Variants in LNX1 observed in about 807,000 individuals in gnomAD.
LNX1 encodes ligand of numb-protein X 1, also known as E3 ubiquitin-protein ligase LNX.
LNX1 carries 54 observed loss-of-function variants against 68.4 expected under a neutral mutation model. That is an observed-to-expected ratio of 0.79 (90% CI 0.63 to 0.99). LNX1 has a LOEUF of 0.99. Ranked by LOEUF, LNX1 falls within the 50% of genes least tolerant of loss-of-function variation. The pLI, the probability that LNX1 is intolerant of heterozygous loss-of-function variation, is 0.00. For synonymous variants in LNX1, 336 were observed against 350.0 expected, an observed-to-expected ratio of 0.96 and a Z score of 0.45; for missense variants, 906 against 926.4, an observed-to-expected ratio of 0.98 and a Z score of 0.29.
chr4:53,591,576 C>T, upstream of LNX1: 3 of 985,400 alleles, frequency 3.0e-6, no homozygotes, highest in Non-Finnish European at 3.6e-6. Context: ...ATCACGGAAG[C>T]CCCGACAGAT....
At chr4:53,507,265 C>A (rs1297498669) in intron 4 of LNX1, 52 bp downstream of exon 4, 1 of 1,579,778 alleles carries the variant, frequency 6.3e-7, no homozygotes, top group Non-Finnish European at 8.6e-7. Context: ...TCCCTGAAGT[C>A]CCCCTGGAAG....
In LNX1 at chr4:53,631,162, AG is replaced by A. The variant is rs138997594; in HGVS notation, c.-215+21005del. On this transcript the variant is annotated intron_variant, in intron 1 of 2. Transcript: ENST00000507168. ...GATGCAGCTACTTGGAGACAGTTTT[AG>A]TACCCAGGGGGAGACAGTTTGTCTT... is the stretch of plus-strand genomic sequence containing the variant. Among the ~76,000 whole-genome samples the A allele has an allele frequency of 4.0e-3, 613 of 152,312 alleles. 8 individuals are homozygous for A. The highest frequency in any genetic ancestry group is 0.014 in the African/African-American group (576 of 41,558).
chr4:53,627,862 C>G (rs1476239119), intron 1 of LNX1, among the ~76,000 whole-genome samples: 2 of 152,122 alleles, frequency 1.3e-5, no homozygotes, highest in South Asian at 2.1e-4. Context: ...TCTGCATGCC[C>G]CTTTGGGAGA....
upstream of LNX1, chr4:53,592,946 C>A (rs1160764724): frequency 1.3e-5 from 2 of 152,158 alleles, no homozygotes; most frequent in South Asian, 2.1e-4. Context: ...TGTCCCCGAT[C>A]CGCCCCAGAC....
intron 2 of LNX1, chr4:53,603,602 G>A (rs1733107994): frequency 6.6e-6 from 1 of 152,476 alleles, no homozygotes; most frequent in African/African-American, 2.4e-5. Flanking sequence ...TTCCAATCAT[G>A]GCAGAAGGCA....
intron 2 of LNX1, among the ~76,000 whole-genome samples, chr4:53,526,624 T>C (rs1205978294): frequency 2.0e-5 from 3 of 151,642 alleles, no homozygotes; most frequent in Non-Finnish European, 2.9e-5. Flanking sequence ...TTCCATGTAA[T>C]CTAGTATCTG....
At chr4:53,579,085 AAAGT>A (rs1731672076) in intron 1 of LNX1, among the ~76,000 whole-genome samples, 1 of 152,210 alleles carries the variant, frequency 6.6e-6, no homozygotes, top group African/African-American at 2.4e-5. Context: ...TCTCCCACCA[AAAGT>A]AAGAGAGAGG....
intron 6 of LNX1, among the ~76,000 whole-genome samples, chr4:53,490,978 G>T (rs544131911): frequency 4.6e-5 from 7 of 152,126 alleles, no homozygotes; most frequent in Non-Finnish European, 8.8e-5. Flanking sequence ...GTAAGCAAAA[G>T]AATCTTTTAG....
intron 9 of LNX1, among the ~76,000 whole-genome samples, chr4:53,463,766 C>G (rs887603311): frequency 1.3e-5 from 2 of 151,940 alleles, no homozygotes; most frequent in Admixed American, 6.6e-5. Context: ...TTGATTTCCA[C>G]TGAAATGAGT....
chr4:53,497,999 A>C (rs540640906), intron 5 of LNX1, among the ~76,000 whole-genome samples: 2 of 152,186 alleles, frequency 1.3e-5, no homozygotes, highest in Non-Finnish European at 2.9e-5. Context: ...CCTGGTAAAC[A>C]GATCTTTTTA....
rs113633365 is a variant in LNX1, at chr4:53,576,977, C to T, written c.-86-2889G>A. Reference sequence around the variant, plus strand: ...GACACTCTAGTGAAGAGGTTGCTGGCAAATGCCCTTAATATAAAAACATTT... The same window carrying T: ...GACACTCTAGTGAAGAGGTTGCTGGTAAATGCCCTTAATATAAAAACATTT... On this transcript the variant is annotated intron_variant, in intron 1 of 10. Transcript: ENST00000263925. Among the ~76,000 whole-genome samples the T allele has an allele frequency of 9.0e-3, 1,373 of 152,324 alleles. 18 individuals are homozygous for T. The highest frequency in any genetic ancestry group is 0.026 in the African/African-American group (1,089 of 41,562).
intron 2 of LNX1, among the ~76,000 whole-genome samples, chr4:53,615,562 C>G (rs1733653342): frequency 6.6e-6 from 1 of 152,178 alleles, no homozygotes; most frequent in Non-Finnish European, 1.5e-5. Flanking sequence ...TCTGTACATT[C>G]TAGCTAAAGG....
chr4:53,606,978 A>G (rs1320754409), intron 2 of LNX1, among the ~76,000 whole-genome samples: 2 of 152,230 alleles, frequency 1.3e-5, no homozygotes, highest in African/African-American at 2.4e-5. Flanking sequence ...ATAGCCACCT[A>G]TTACAAACCC....
chr4:53,517,165 G>T (rs1447328669), intron 2 of LNX1, among the ~76,000 whole-genome samples: 2 of 152,126 alleles, frequency 1.3e-5, no homozygotes, highest in African/African-American at 2.4e-5. Context: ...GATTCTAAAA[G>T]CAGCTAATTG....
At position 53,496,288 on chromosome 4, in the gene LNX1, C is replaced by T. The variant is rs371053734; in HGVS notation, c.1085G>A (p.Arg362His). The T allele has an allele frequency of 2.4e-5, 38 of 1,614,164 alleles. No individual in the cohort carries two copies. The East Asian group carries it at 3.1e-4, about 13-fold the overall frequency. ...WLTVMREQKF[R>H]SRNNGQAPDA... ...CGGGGCCTGTCCATTGTTCCTGCTG[C>T]GGAACTTCTGTTCACGCATCACAGT... The change falls in exon 6 of 11, where the codon CGC becomes CAC. Residue 362 changes from arginine to histidine, a missense_variant. Transcript: ENST00000263925.
chr4:53,639,135 G>A (rs1050841171), intron 1 of LNX1, among the ~76,000 whole-genome samples: 1 of 152,204 alleles, frequency 6.6e-6, no homozygotes, highest in Admixed American at 6.5e-5. Flanking sequence ...TATACACCAT[G>A]AAGTACTATG....
chr4:53,554,421 T>A (rs1421294557), intron 2 of LNX1, among the ~76,000 whole-genome samples: 2 of 152,256 alleles, frequency 1.3e-5, no homozygotes, highest in Non-Finnish European at 2.9e-5. Flanking sequence ...CATGCCTAAG[T>A]GATCTGCTAA....
intron 2 of LNX1, among the ~76,000 whole-genome samples, chr4:53,512,486 T>G (rs62323618): frequency 1.8e-4 from 6 of 32,878 alleles, no homozygotes; most frequent in Admixed American, 8.1e-4. Context: ...TACCCAGTGT[T>G]TGTGTGTGTG....
At chr4:53,590,693 C>A (rs1466907084) in intron 1 of LNX1, among the ~76,000 whole-genome samples, 2 of 152,142 alleles carry the variant, frequency 1.3e-5, no homozygotes, top group Non-Finnish European at 2.9e-5. Flanking sequence ...CACATTCTTG[C>A]AGCAATGAGG....
Sources: gnomAD v4.1 joint callset for allele counts (sites outside exome capture counted in the v4.1 genomes callset) on GRCh38, gnomAD v4.1.1 for gene constraint, MANE v1.5 for transcripts, NCBI Gene and HGNC (gene_info 2026-07-23, HGNC 2026-07-21) for gene names.